Variants in CALN1 observed in about 807,000 individuals in gnomAD.
The protein encoded by CALN1 is calneuron 1, also known as calcium-binding protein 8.
A neutral mutation model predicts 30.6 loss-of-function variants in CALN1; 17 were observed. The observed-to-expected ratio is 0.56, with a 90% confidence interval of 0.38 to 0.83. The LOEUF (loss-of-function observed/expected upper bound fraction) is 0.83, where lower values mean the gene tolerates loss of function less well. CALN1 is among the 40% of genes least tolerant of loss of function. The pLI is 0.00. For synonymous variants in CALN1, 156 were observed against 131.4 expected (o/e 1.19, Z -1.28); for missense variants, 291 against 354.9 (o/e 0.82, Z 1.45).
intron 2 of CALN1, among the ~76,000 whole-genome samples, chr7:72,306,798 G>A (rs1039559987): frequency 6.6e-6 from 1 of 152,016 alleles, no homozygotes; most frequent in Non-Finnish European, 1.5e-5. Context: ...AAACTAAGCT[G>A]TGCCCTGACC....
chr7:72,299,266 T>C (rs553498657), intron 2 of CALN1, among the ~76,000 whole-genome samples: 1 of 152,010 alleles, frequency 6.6e-6, no homozygotes, highest in South Asian at 2.1e-4. Context: ...GGCAGAGAAA[T>C]TACCATGAAA....
At chr7:71,862,592 C>T (rs896069439) in intron 5 of CALN1, among the ~76,000 whole-genome samples, 1 of 152,124 alleles carries the variant, frequency 6.6e-6, no homozygotes, top group African/African-American at 2.4e-5. Context: ...TACCCAGTCT[C>T]GGGTATGTCT....
At chr7:71,806,554 G>A (rs1327883698) in intron 6 of CALN1, among the ~76,000 whole-genome samples, 8 of 152,080 alleles carry the variant, frequency 5.3e-5, no homozygotes, top group South Asian at 2.1e-4. Context: ...TTATCCACCC[G>A]CCTTGCCCTC....
intron 6 of CALN1, among the ~76,000 whole-genome samples, chr7:71,807,702 T>G (rs10275531): frequency 0.36 from 54,037 of 151,894 alleles, 10,299 homozygotes; most frequent in East Asian, 0.6. Context: ...CACTTTGGGA[T>G]GCTGAGGAGG....
upstream of CALN1, among the ~76,000 whole-genome samples, chr7:72,413,580 A>T (rs1386338489): frequency 7.8e-6 from 1 of 128,966 alleles, no homozygotes. Context: ...CCACACACAC[A>T]CTCATACATA....
chr7:72,266,226 C>T (rs987851141), intron 3 of CALN1, among the ~76,000 whole-genome samples: 4 of 152,008 alleles, frequency 2.6e-5, no homozygotes, highest in Non-Finnish European at 4.4e-5. Context: ...TTGAAAATCA[C>T]CATCATGATA....
chr7:72,118,727 T>A (rs915321155), intron 3 of CALN1, among the ~76,000 whole-genome samples: 4 of 151,974 alleles, frequency 2.6e-5, no homozygotes, highest in African/African-American at 9.7e-5. Flanking sequence ...CACTGGAGGG[T>A]CTCCATACAA....
At chr7:71,850,051 G>A (rs1206396705) in intron 5 of CALN1, among the ~76,000 whole-genome samples, 2 of 152,142 alleles carry the variant, frequency 1.3e-5, no homozygotes, top group Non-Finnish European at 2.9e-5. Context: ...TCACACCTGC[G>A]TGCATGGAGG....
intron 3 of CALN1, among the ~76,000 whole-genome samples, chr7:72,196,409 G>A (rs960378608): frequency 1.3e-5 from 2 of 152,166 alleles, no homozygotes; most frequent in East Asian, 1.9e-4. Flanking sequence ...ATGAGCCACC[G>A]CTCCTGGCCT....
intron 3 of CALN1, among the ~76,000 whole-genome samples, chr7:72,119,116 T>C (rs2129542076): frequency 6.6e-6 from 1 of 152,328 alleles, no homozygotes; most frequent in South Asian, 2.1e-4. Context: ...CTCATGGGTA[T>C]TTTCAAAGTC....
intron 2 of CALN1, among the ~76,000 whole-genome samples, chr7:72,348,607 G>A (rs143149938): frequency 2.8e-4 from 43 of 152,342 alleles, no homozygotes; most frequent in Admixed American, 1.6e-3. Context: ...ATTTCTAGAC[G>A]TAAGAAAGAA....
chr7:71,972,173 T>A (rs1027098546), intron 5 of CALN1, among the ~76,000 whole-genome samples: 7 of 152,040 alleles, frequency 4.6e-5, no homozygotes, highest in African/African-American at 1.7e-4. Flanking sequence ...ATGTTTAAAT[T>A]TGCATCTCTC....
chr7:72,081,410 T>TGG (rs1805129272), intron 4 of CALN1, among the ~76,000 whole-genome samples: 2 of 141,062 alleles, frequency 1.4e-5, no homozygotes, highest in Non-Finnish European at 3.0e-5. Context: ...TCATAGGGTG[T>TGG]GTGTGTGTGT....
intron 2 of CALN1, among the ~76,000 whole-genome samples, chr7:72,282,006 T>A (rs750101802): frequency 6.6e-6 from 1 of 152,080 alleles, no homozygotes; most frequent in Non-Finnish European, 1.5e-5. Context: ...TTCAAAAAGC[T>A]CAAAGTCTAG....
chr7:72,361,305 C>A (rs1311347183), intron 2 of CALN1, among the ~76,000 whole-genome samples: 1 of 152,034 alleles, frequency 6.6e-6, no homozygotes, highest in Non-Finnish European at 1.5e-5. Flanking sequence ...TTGAATACCA[C>A]CTACTATGAA....
At chr7:72,238,996 T>C (rs138581430) in intron 3 of CALN1, among the ~76,000 whole-genome samples, 10 of 152,298 alleles carry the variant, frequency 6.6e-5, no homozygotes, top group African/African-American at 2.4e-4. Flanking sequence ...CTCAGACTCT[T>C]GCCCCACCTT....
the CALN1 span, among the ~76,000 whole-genome samples, chr7:72,456,705 G>C: frequency 6.6e-6 from 1 of 152,054 alleles, no homozygotes; most frequent in East Asian, 1.9e-4. Flanking sequence ...AAATAGCCAG[G>C]AGTGGTGGCG....
chr7:72,240,965 C>T (rs1794789886), intron 3 of CALN1, among the ~76,000 whole-genome samples: 1 of 152,150 alleles, frequency 6.6e-6, no homozygotes, highest in Non-Finnish European at 1.5e-5. Context: ...TTGAGTGCTC[C>T]CAGCCACCTC....
intron 3 of CALN1, among the ~76,000 whole-genome samples, chr7:72,216,034 A>T (rs937081746): frequency 2.6e-5 from 4 of 152,118 alleles, no homozygotes; most frequent in African/African-American, 9.7e-5. Flanking sequence ...TTATTATAAT[A>T]CTTCCTCCCT....
Sources: gnomAD v4.1 joint callset for allele counts (sites outside exome capture counted in the v4.1 genomes callset) on GRCh38, gnomAD v4.1.1 for gene constraint, MANE v1.5 for transcripts, NCBI Gene and HGNC (gene_info 2026-07-23, HGNC 2026-07-21) for gene names.